The following PLCH1 variants were observed in gnomAD, a reference collection of about 807,000 sequenced individuals.
PLCH1 encodes 1-phosphatidylinositol 4,5-bisphosphate phosphodiesterase eta-1.
In PLCH1, 60 loss-of-function variants were observed where a neutral mutation model predicts 126.7. The observed-to-expected ratio is 0.47, with a 90% CI of 0.38 to 0.59. The LOEUF (loss-of-function observed/expected upper bound fraction) is 0.59, where lower values mean the gene tolerates loss of function less well. Ranked by LOEUF, PLCH1 falls within the 20% of genes least tolerant of loss-of-function variation. The pLI is 0.00. For missense variants in PLCH1, 1,723 were observed against 2,040.0 expected, an observed-to-expected ratio of 0.84 and a Z score of 2.99; for synonymous variants, 719 against 734.9, an observed-to-expected ratio of 0.98 and a Z score of 0.35.
intron 1 of PLCH1, among the ~76,000 whole-genome samples, chr3:155,715,289 T>A (rs997914948): frequency 6.6e-6 from 1 of 151,646 alleles, no homozygotes; most frequent in Non-Finnish European, 1.5e-5. Context: ...ATTATTACTA[T>A]CATTTCCTTC....
In PLCH1 at chr3:155,631,540, T is replaced by C. The variant is rs114604834; in HGVS notation, c.80-35162A>G. 6.5e-3 allele frequency among the ~76,000 whole-genome samples: 985 copies of C among 152,332 alleles called. 16 individuals are homozygous for C. The highest frequency in any genetic ancestry group is 0.022 in the African/African-American group (931 of 41,572). On this transcript the variant is annotated intron_variant, in intron 2 of 22. Coordinates refer to ENST00000460012, the MANE Select transcript of PLCH1 (RefSeq NM_014996.4). ...CTGTTATCCTGTAAGGCTGCTTCCCTGAAGGATTGTTCACAGAGGAAAATT... is the reference window on the plus strand; with the variant it reads ...CTGTTATCCTGTAAGGCTGCTTCCCCGAAGGATTGTTCACAGAGGAAAATT...
intron 13 of PLCH1, among the ~76,000 whole-genome samples, chr3:155,503,158 C>T (rs1343052669): frequency 6.6e-6 from 1 of 152,188 alleles, no homozygotes. Flanking sequence ...TTTCACAAAT[C>T]AAAACCACAC....
chr3:155,692,464 ATGG>A (rs1241884471), intron 2 of PLCH1, among the ~76,000 whole-genome samples: 4 of 131,264 alleles, frequency 3.0e-5, no homozygotes, highest in African/African-American at 1.5e-4. Context: ...GAATGAATGG[ATGG>A]ATGGATGGAT....
chr3:155,598,367 A>T (rs1171972699), intron 2 of PLCH1, among the ~76,000 whole-genome samples: 1 of 152,174 alleles, frequency 6.6e-6, no homozygotes, highest in African/African-American at 2.4e-5. Flanking sequence ...ATCTCACACG[A>T]GGAATTAAAG....
At chr3:155,693,471 C>CAAAAAAA (rs1227159940) in intron 2 of PLCH1, among the ~76,000 whole-genome samples, 3 of 10,344 alleles carry the variant, frequency 2.9e-4, no homozygotes, top group African/African-American at 2.0e-3. Flanking sequence ...GACTCCGTCT[C>CAAAAAAA]AAAAAAAAAA....
intron 21 of PLCH1, among the ~76,000 whole-genome samples, chr3:155,471,427 C>A (rs544673171): frequency 1.3e-5 from 2 of 150,314 alleles, no homozygotes; most frequent in South Asian, 4.3e-4. Context: ...ATTCATAAAG[C>A]AAGTCCTGAG....
chr3:155,673,018 T>G (rs1743688319), intron 2 of PLCH1, among the ~76,000 whole-genome samples: 1 of 151,598 alleles, frequency 6.6e-6, no homozygotes, highest in Non-Finnish European at 1.5e-5. Context: ...AATCTGATTA[T>G]TCTCTCCCCA....
intron 2 of PLCH1, among the ~76,000 whole-genome samples, chr3:155,636,026 T>C (rs368778136): frequency 6.6e-5 from 10 of 152,224 alleles, no homozygotes; most frequent in African/African-American, 2.4e-4. Context: ...CAGATGGCTG[T>C]AGCAGCTCCA....
chr3:155,454,097 T>C (rs1207523541), intron 21 of PLCH1, among the ~76,000 whole-genome samples: 1 of 152,228 alleles, frequency 6.6e-6, no homozygotes, highest in African/African-American at 2.4e-5. Flanking sequence ...GCATTTACTA[T>C]GTGCCAACTT....
At chr3:155,594,579 AAAAT>A (rs907666736) in intron 3 of PLCH1, among the ~76,000 whole-genome samples, 2 of 152,178 alleles carry the variant, frequency 1.3e-5, no homozygotes, top group African/African-American at 4.8e-5. Flanking sequence ...TCTCCAAAAA[AAAAT>A]AAATAAGTAA....
At chr3:155,691,738 CT>C (rs1317041519) in intron 2 of PLCH1, among the ~76,000 whole-genome samples, 2 of 152,212 alleles carry the variant, frequency 1.3e-5, no homozygotes, top group Admixed American at 1.3e-4. Context: ...GCATTGTTCT[CT>C]CAATTCCTGC....
chr3:155,723,010 G>C (rs1018754244), intron 1 of PLCH1, among the ~76,000 whole-genome samples: 1 of 152,070 alleles, frequency 6.6e-6, no homozygotes, highest in Non-Finnish European at 1.5e-5. Flanking sequence ...TTTGTTATTG[G>C]TCTGTTCAGA....
At chr3:155,501,499 A>G (rs1263001072) in intron 13 of PLCH1, among the ~76,000 whole-genome samples, 1 of 152,182 alleles carries the variant, frequency 6.6e-6, no homozygotes, top group African/African-American at 2.4e-5. Flanking sequence ...GACCTCAACA[A>G]TACAAATGAT....
Position 155,554,146 on chromosome 3 carries a change from T to C in PLCH1, c.1120A>G (p.Thr374Ala). The C allele has an allele frequency of 6.2e-7, 1 of 1,613,702 alleles. No individual in the cohort carries two copies. Among genetic ancestry groups the C allele is most frequent in the Non-Finnish European group, 8.5e-7 (1 of 1,179,718 alleles). Residue 374 changes from threonine (T) to alanine (A), a missense_variant, in exon 9 of 23, where the codon ACT (threonine) becomes GCT (alanine). Physicochemically the swap from Thr to Ala is moderately conservative, Grantham distance 58. Coordinates refer to ENST00000460012, the MANE Select transcript of PLCH1 (RefSeq NM_014996.4). ...DGEPVVHHGY[T>A]LTSKILFRDV... ...CTGAAGAGAATTTTTGAAGTGAGAG[T>C]GTAACCATGATGTACTACTGGCTCT...
chr3:155,576,350 G>A (rs926331555), intron 6 of PLCH1, among the ~76,000 whole-genome samples: 6 of 152,192 alleles, frequency 3.9e-5, no homozygotes, highest in Admixed American at 2.6e-4. Flanking sequence ...AGAGAAGAAA[G>A]AGAAATCTCA....
intron 2 of PLCH1, among the ~76,000 whole-genome samples, chr3:155,597,622 G>A (rs1157856243): frequency 6.6e-6 from 1 of 152,080 alleles, no homozygotes; most frequent in Non-Finnish European, 1.5e-5. Context: ...TTAGACTTCT[G>A]CTTTTTTGGC....
At chr3:155,526,679 A>G (rs2108309324) in intron 10 of PLCH1, among the ~76,000 whole-genome samples, 1 of 152,306 alleles carries the variant, frequency 6.6e-6, no homozygotes, top group Admixed American at 6.5e-5. Flanking sequence ...TTCAGCTGTG[A>G]GATGACTGCA....
At position 155,739,010 on chromosome 3, in the gene PLCH1, C is replaced by T. The variant is rs540879416; in HGVS notation, c.-41+5830G>A. On this transcript the variant is annotated intron_variant, in intron 1 of 22. Transcript: ENST00000460012. ...CCATCGCAACTCAGCCACCAATTGG[C>T]TGTGTGAACGATGACATTCCTGAGC... is the stretch of plus-strand genomic sequence containing the variant. Among the ~76,000 whole-genome samples the T allele has an allele frequency of 2.0e-4, 31 of 152,292 alleles. No individual in the cohort carries two copies. The East Asian group carries it at 6.0e-3, about 29-fold the overall frequency.
At chr3:155,694,459 A>C (rs913839016) in intron 2 of PLCH1, among the ~76,000 whole-genome samples, 1 of 152,238 alleles carries the variant, frequency 6.6e-6, no homozygotes, top group South Asian at 2.1e-4. Flanking sequence ...TTAAAAACAC[A>C]ATACCGTGAA....
Sources: allele counts gnomAD v4.1 joint callset (sites outside exome capture counted in the v4.1 genomes callset), GRCh38; gene constraint gnomAD v4.1.1; transcripts MANE v1.5; gene names NCBI Gene and HGNC (gene_info 2026-07-23, HGNC 2026-07-21).